Variants in ZNF438 observed in about 807,000 individuals in gnomAD.
ZNF438 encodes zinc finger protein 438.
A neutral mutation model predicts 38.0 loss-of-function variants in ZNF438; 25 were observed. The observed-to-expected ratio is 0.66, with a 90% confidence interval of 0.48 to 0.92. The LOEUF (loss-of-function observed/expected upper bound fraction) is 0.92. Ranked by LOEUF, ZNF438 falls within the 40% of genes least tolerant of loss-of-function variation. ZNF438 has a pLI of 0.00. For missense variants in ZNF438, 1,007 were observed against 999.6 expected, an observed-to-expected ratio of 1.01 and a Z score of -0.10; for synonymous variants, 372 against 364.1, an observed-to-expected ratio of 1.02 and a Z score of -0.25.
Position 30,848,538 on chromosome 10 carries a change from A to G in ZNF438, c.1867T>C (p.Leu623=), listed in dbSNP as rs545869740. The G allele has an allele frequency of 2.2e-5, 36 of 1,610,936 alleles. No homozygotes were observed. In the African/African-American group the frequency reaches 2.5e-4, roughly 11 times the overall value. Residue 623 remains leucine, a synonymous_variant, in exon 5 of 6, where the codon TTG becomes CTG. Transcript: ENST00000413025. ...CATTACATTGGCACTCACCTCTCCA[A>G]TGATCCCTCCATGCCTCGCACACTC...
intron 3 of ZNF438, among the ~76,000 whole-genome samples, chr10:30,902,976 G>A (rs2042196814): frequency 1.0e-5 from 1 of 98,700 alleles, no homozygotes; most frequent in Admixed American, 9.8e-5. Context: ...GGACCGGGGA[G>A]AAATCGAGCG....
At chr10:30,846,520 G>C (rs1588708626) in intron 5 of ZNF438, among the ~76,000 whole-genome samples, 1 of 152,226 alleles carries the variant, frequency 6.6e-6, no homozygotes, top group East Asian at 1.9e-4. Flanking sequence ...GGGTAGAGAG[G>C]GGCCCTGAGG....
At chr10:30,905,421 T>A (rs1208028167) in intron 3 of ZNF438, among the ~76,000 whole-genome samples, 1 of 152,252 alleles carries the variant, frequency 6.6e-6, no homozygotes, top group East Asian at 1.9e-4. Flanking sequence ...CGGAAAAATG[T>A]CTATTCAATT....
intron 1 of ZNF438, among the ~76,000 whole-genome samples, chr10:30,981,606 G>A (rs1310881977): frequency 6.6e-6 from 1 of 152,186 alleles, no homozygotes; most frequent in East Asian, 1.9e-4. Context: ...GGCCGGGCGT[G>A]ATGGCTCACA....
intron 1 of ZNF438, among the ~76,000 whole-genome samples, chr10:31,002,456 G>T (rs940591185): frequency 2.6e-5 from 4 of 151,986 alleles, no homozygotes; most frequent in African/African-American, 9.7e-5. Flanking sequence ...AAAACTATTA[G>T]ATCTTTTCCT....
At chr10:30,883,620 C>T (rs997661798) in intron 3 of ZNF438, among the ~76,000 whole-genome samples, 1 of 152,108 alleles carries the variant, frequency 6.6e-6, no homozygotes, top group Admixed American at 6.5e-5. Flanking sequence ...CCTGTAATCC[C>T]AACACTTTTG....
chr10:30,911,227 T>A (rs1284054523), intron 2 of ZNF438, among the ~76,000 whole-genome samples: 1 of 152,136 alleles, frequency 6.6e-6, no homozygotes, highest in African/African-American at 2.4e-5. Flanking sequence ...TTGCAATATC[T>A]AGCACTTCTC....
At chr10:30,858,997 G>T (rs2035138156) in intron 4 of ZNF438, among the ~76,000 whole-genome samples, 1 of 152,176 alleles carries the variant, frequency 6.6e-6, no homozygotes, top group African/African-American at 2.4e-5. Context: ...ATGATAAGCA[G>T]ATTTTATGGG....
chr10:31,019,773 T>A (rs1425138205), intron 1 of ZNF438, among the ~76,000 whole-genome samples: 1 of 152,234 alleles, frequency 6.6e-6, no homozygotes, highest in Non-Finnish European at 1.5e-5. Context: ...GCATGGCCCA[T>A]ACTTACACTA....
chr10:30,943,061 G>C (rs2046987335), intron 1 of ZNF438, among the ~76,000 whole-genome samples: 1 of 152,022 alleles, frequency 6.6e-6, no homozygotes, highest in Non-Finnish European at 1.5e-5. Flanking sequence ...TAAGAAGTCT[G>C]GTATACTTTG....
At chr10:30,911,177 T>C (rs1326347890) in intron 2 of ZNF438, among the ~76,000 whole-genome samples, 3 of 151,904 alleles carry the variant, frequency 2.0e-5, no homozygotes, top group Non-Finnish European at 4.4e-5. Flanking sequence ...AGCAAAAAAA[T>C]CCCTTGGCCA....
At chr10:30,897,907 T>C (rs892284772) in intron 3 of ZNF438, among the ~76,000 whole-genome samples, 1 of 152,056 alleles carries the variant, frequency 6.6e-6, no homozygotes, top group African/African-American at 2.4e-5. Context: ...CTAACAACAA[T>C]CACACAGCAT....
intron 3 of ZNF438, among the ~76,000 whole-genome samples, chr10:30,903,691 A>C (rs937651239): frequency 1.3e-5 from 2 of 152,194 alleles, no homozygotes; most frequent in Admixed American, 1.3e-4. Flanking sequence ...GAGTATTTAA[A>C]AAATATATAC....
chr10:31,006,882 T>C (rs1164624435), intron 1 of ZNF438, among the ~76,000 whole-genome samples: 1 of 151,940 alleles, frequency 6.6e-6, no homozygotes, highest in African/African-American at 2.4e-5. Flanking sequence ...TTTCCACTCA[T>C]TTGGTAAGGC....
At chr10:30,952,304 G>A (rs1394327346) in intron 1 of ZNF438, among the ~76,000 whole-genome samples, 1,832 of 149,672 alleles carry the variant, frequency 0.012, 39 homozygotes, top group African/African-American at 0.041. Flanking sequence ...AACCCTAGAA[G>A]AAAACCTAGG....
chr10:30,947,980 C>A (rs953131500), intron 1 of ZNF438, among the ~76,000 whole-genome samples: 1 of 139,952 alleles, frequency 7.1e-6, no homozygotes, highest in Non-Finnish European at 1.6e-5. Flanking sequence ...TCTTCTGCAT[C>A]GCTCACGCTG....
intron 2 of ZNF438, among the ~76,000 whole-genome samples, chr10:30,936,169 GT>G (rs1271202866): frequency 6.6e-6 from 1 of 152,122 alleles, no homozygotes; most frequent in Non-Finnish European, 1.5e-5. Flanking sequence ...TATGACTTCG[GT>G]TTTTTTAAAC....
chr10:30,983,217 C>T (rs146481792), intron 1 of ZNF438, among the ~76,000 whole-genome samples: 3 of 152,244 alleles, frequency 2.0e-5, no homozygotes, highest in African/African-American at 4.8e-5. Context: ...AGGAGATGTC[C>T]GCAAACACCA....
intron 4 of ZNF438, among the ~76,000 whole-genome samples, chr10:30,867,231 A>G (rs1476875192): frequency 6.6e-6 from 1 of 152,244 alleles, no homozygotes. Context: ...GACTGAATGC[A>G]GGACTAGATA....
Sources: allele counts gnomAD v4.1 joint callset (sites outside exome capture counted in the v4.1 genomes callset), GRCh38; gene constraint gnomAD v4.1.1; transcripts MANE v1.5; gene names NCBI Gene and HGNC (gene_info 2026-07-23, HGNC 2026-07-21).